The following DNAH8 variants were observed in gnomAD, a reference collection of about 807,000 sequenced individuals.
The protein encoded by DNAH8 is dynein axonemal heavy chain 8.
DNAH8 carries 382 observed loss-of-function variants against 562.1 expected under a neutral mutation model. The ratio of observed to expected loss-of-function variants is 0.68; its 90% CI spans 0.63 to 0.74. The LOEUF (loss-of-function observed/expected upper bound fraction) is 0.74. Among genes scored for constraint, DNAH8 ranks in the 30% least tolerant of loss-of-function variants. The probability of loss-of-function intolerance (pLI) is 0.00; values close to 1 mark genes in which losing one functional copy is unlikely to be tolerated. For missense variants in DNAH8, 5,203 were observed against 5,620.4 expected (o/e 0.93, Z 2.37); for synonymous variants, 1,881 against 1,919.4 (o/e 0.98, Z 0.52).
At chr6:38,969,711 G>C (rs553846405) in intron 82 of DNAH8, among the ~76,000 whole-genome samples, 3 of 145,670 alleles carry the variant, frequency 2.1e-5, no homozygotes, top group East Asian at 2.2e-4. Context: ...GTGTGTGTGG[G>C]GGGGAGTGGG....
intron 82 of DNAH8, among the ~76,000 whole-genome samples, chr6:38,956,826 A>C (rs1318767127): frequency 6.6e-6 from 1 of 152,210 alleles, no homozygotes; most frequent in African/African-American, 2.4e-5. Context: ...AGAGAAAATC[A>C]CTTAACCCCG....
chr6:38,912,695 T>G (rs1446919272), intron 66 of DNAH8, among the ~76,000 whole-genome samples: 1 of 152,242 alleles, frequency 6.6e-6, no homozygotes, highest in African/African-American at 2.4e-5. Context: ...TGTGATCTCC[T>G]TGTTAAACAG....
Position 38,896,127 on chromosome 6 carries a change from C to T in DNAH8, c.8842C>T (p.Pro2948Ser), listed in dbSNP as rs980617815. 6.8e-6 allele frequency: 11 copies of T among 1,613,482 alleles called. No homozygotes were observed. The highest frequency in any genetic ancestry group is 1.3e-5 in the African/African-American group (1 of 74,736). The change falls in exon 60 of 93, where the codon CCT becomes TCT. Residue 2948 changes from proline (P) to serine (S), a missense_variant. Pro to Ser is a moderately conservative substitution (Grantham distance 74, BLOSUM62 -1). Coordinates refer to ENST00000327475, the MANE Select transcript of DNAH8 (RefSeq NM_001206927.2). ...IGSDAASCIL[P>S]EPYFVDFLRE... ...CTCTGATGCAGCGTCGTGTATTCTTCCTGAACCATACTTTGTGGATTTTCT... is the reference window on the plus strand; with the variant it reads ...CTCTGATGCAGCGTCGTGTATTCTTTCTGAACCATACTTTGTGGATTTTCT...
At chr6:38,882,833 C>A in intron 53 of DNAH8, 77 bp from the exon 54 acceptor site, 2 of 965,668 alleles carry the variant, frequency 2.1e-6, no homozygotes, top group Non-Finnish European at 2.9e-6. Flanking sequence ...TTGTTTATTG[C>A]ACTTAACATT....
At chr6:38,811,921 C>A (rs758198087) in intron 24 of DNAH8, among the ~76,000 whole-genome samples, 1 of 152,098 alleles carries the variant, frequency 6.6e-6, no homozygotes, top group Non-Finnish European at 1.5e-5. Context: ...GGGGGTATGG[C>A]AGGTTTGGCT....
At position 38,781,072 on chromosome 6, in the gene DNAH8, A is replaced by G. The variant is rs371673819; in HGVS notation, c.2140-182A>G. Among the ~76,000 whole-genome samples the G allele has an allele frequency of 1.1e-4, 16 of 152,344 alleles. No homozygotes were observed. In the East Asian group the frequency reaches 2.7e-3, roughly 26 times the overall value. ...AGGTGAAGAGAAAATTAAGTGTCGT[A>G]TATGGTCAACATCATTGTTTCAAAA... On this transcript the variant is annotated intron_variant, in intron 15 of 92. Coordinates refer to ENST00000327475, the MANE Select transcript of DNAH8 (RefSeq NM_001206927.2).
Position 38,783,025 on chromosome 6 carries a change from A to G in DNAH8, c.2281A>G (p.Ser761Gly). The G allele has an allele frequency of 6.2e-7, 1 of 1,613,892 alleles. No homozygotes were observed. The highest frequency in any genetic ancestry group is 8.5e-7 in the Non-Finnish European group (1 of 1,179,854). The change falls in exon 17 of 93, where the codon AGT (serine) becomes GGT (glycine). Residue 761 changes from serine to glycine, a missense_variant. Ser to Gly is a moderately conservative substitution (Grantham distance 56, BLOSUM62 0). Around this residue, in one of 6 missense-constraint regions of DNAH8, gnomAD observed 2,176 missense variants for 2,365.1 expected, o/e 0.92. Coordinates refer to ENST00000327475, the MANE Select transcript of DNAH8 (RefSeq NM_001206927.2). ...YFFKNSDILSSPDGKAVIRQY... is the reference protein window; with the variant it reads ...YFFKNSDILSGPDGKAVIRQY... The stretch of plus-strand genomic sequence containing the variant: ...ACAGAAAAACTCAGACATTTTATCA[A>G]GTCCGGACGGTAAAGCTGTCATCCG...
intron 8 of DNAH8, among the ~76,000 whole-genome samples, chr6:38,747,641 G>T (rs959534836): frequency 2.0e-5 from 3 of 152,096 alleles, no homozygotes; most frequent in Admixed American, 1.3e-4. Context: ...CGCCTTGGCT[G>T]CCCAAAGTGC....
Position 38,872,586 on chromosome 6 carries a change from T to C in DNAH8, c.7041T>C (p.Ser2347=), listed in dbSNP as rs1227933175. 1.9e-6 allele frequency: 3 copies of C among 1,614,028 alleles called. No individual in the cohort carries two copies. The highest frequency in any genetic ancestry group is 1.1e-5 in the South Asian group (1 of 91,082). The change falls in exon 50 of 93, where the codon AGT becomes AGC. Residue 2347 remains serine (S), a synonymous_variant. Coordinates refer to ENST00000327475, the MANE Select transcript of DNAH8 (RefSeq NM_001206927.2). ...VRHGLMTLGP[S]GSGKTTVITI... ...ATGGCTTGATGACTCTTGGGCCCAG[T>C]GGTTCTGGAAAGACAACCGTTATCA...
chr6:38,807,814 A>C (rs1771428430), intron 24 of DNAH8, 98 bp downstream of exon 24: 1 of 533,460 alleles, frequency 1.9e-6, no homozygotes, highest in Non-Finnish European at 2.9e-6. Flanking sequence ...TAAAATTTAA[A>C]ATATAGCATT....
chr6:38,755,980 G>A lies in DNAH8; in HGVS notation c.1416G>A (p.Met472Ile), dbSNP rs770862847. 1.3e-6 allele frequency: 2 copies of A among 1,595,530 alleles called. No individual in the cohort carries two copies. The highest frequency in any genetic ancestry group is 1.3e-5 in the African/African-American group (1 of 74,586). ...QPLYNHDLVS[M>I]AHGIQNLINA... ...ATTTGTTTCAATGTTAGGTTTCCATGGCACATGGAATACAAAATTTGATTA... is the reference window on the plus strand; with the variant it reads ...ATTTGTTTCAATGTTAGGTTTCCATAGCACATGGAATACAAAATTTGATTA... The change falls in exon 10 of 93, where the codon ATG becomes ATA. Residue 472 changes from methionine to isoleucine, a missense_variant. Physicochemically the swap from Met to Ile is conservative, Grantham distance 10. Coordinates refer to ENST00000327475, the MANE Select transcript of DNAH8 (RefSeq NM_001206927.2).
intron 52 of DNAH8, 94 bp from the exon 53 acceptor site, chr6:38,875,496 CT>C (rs1777923708): frequency 4.0e-6 from 3 of 750,056 alleles, no homozygotes; most frequent in Non-Finnish European, 6.1e-6. Context: ...TATTTTTCTT[CT>C]CTCTTCCTTC....
At chr6:38,944,436 T>G (rs1051537904) in intron 79 of DNAH8, among the ~76,000 whole-genome samples, 1 of 152,152 alleles carries the variant, frequency 6.6e-6, no homozygotes, top group Admixed American at 6.5e-5. Context: ...CCCTTTTTGG[T>G]CCATGAGTTG....
At position 38,772,177 on chromosome 6, in the gene DNAH8, C is replaced by T. The variant is rs537584691; in HGVS notation, c.1764+1618C>T. 3.0e-3 allele frequency among the ~76,000 whole-genome samples: 456 copies of T among 151,778 alleles called. 3 individuals carry two copies. The highest frequency in any genetic ancestry group is 4.1e-3 in the African/African-American group (171 of 41,392). ...CCGAGTAGCTGGGACTACAGGTGCC[C>T]GCCACTACGCCCGGCTAATTTTTTG... On this transcript the variant is annotated intron_variant, in intron 12 of 92. Transcript: ENST00000327475.
At position 38,949,568 on chromosome 6, in the gene DNAH8, C is replaced by T. The variant is rs1175626100; in HGVS notation, c.12246C>T (p.Ile4082=). Residue 4082 remains isoleucine, a splice_region_variant and synonymous_variant, in exon 81 of 93, where the codon ATC becomes ATT. Transcript: ENST00000327475. ...ATACCTGCCATAAACTTTTACTTAT[C>T]AGGTGAGAACAGGCATTATCAGACC... is the stretch of plus-strand genomic sequence containing the variant. ...SLDTCHKLLL[I]RSWCPDRTVF... 6.7e-7 allele frequency: 1 copy of T among 1,501,070 alleles called. No homozygotes were observed. Among genetic ancestry groups the T allele is most frequent in the Non-Finnish European group, 9.3e-7 (1 of 1,077,112 alleles). 93.0% of individuals were successfully genotyped at this position (1,501,070 alleles called of 1,614,324 possible). A position where few individuals can be genotyped will look rare whatever the true frequency, so the allele number is the denominator to read the frequency against.
intron 91 of DNAH8, among the ~76,000 whole-genome samples, chr6:39,018,332 A>G (rs1766689789): frequency 6.6e-6 from 1 of 152,006 alleles, no homozygotes; most frequent in South Asian, 2.1e-4. Context: ...CGGCCCTCAT[A>G]TCTAACGACC....
intron 88 of DNAH8, among the ~76,000 whole-genome samples, chr6:39,003,131 T>C (rs532551788): frequency 1.3e-5 from 2 of 152,324 alleles, no homozygotes; most frequent in South Asian, 2.1e-4. Flanking sequence ...TGGTTAACTT[T>C]CCCAGCAGCC....
intron 85 of DNAH8, among the ~76,000 whole-genome samples, chr6:38,976,350 G>T (rs1763673695): frequency 6.6e-6 from 1 of 152,190 alleles, no homozygotes; most frequent in South Asian, 2.1e-4. Flanking sequence ...TACAGTGAGT[G>T]TAGGTAATTC....
chr6:38,914,186 C>T (rs1353994824), intron 67 of DNAH8, among the ~76,000 whole-genome samples: 1 of 151,966 alleles, frequency 6.6e-6, no homozygotes, highest in Admixed American at 6.6e-5. Flanking sequence ...CTGTCTGTCT[C>T]TCTTGTTCTT....
Sources: allele counts gnomAD v4.1 joint callset (sites outside exome capture counted in the v4.1 genomes callset), GRCh38; gene constraint gnomAD v4.1.1; regional missense constraint gnomAD v4.1.1; transcripts MANE v1.5; gene names NCBI Gene and HGNC (gene_info 2026-07-23, HGNC 2026-07-21).